Variants in COL16A1 observed in about 807,000 individuals in gnomAD.
COL16A1 encodes the protein collagen alpha-1(XVI) chain.
In COL16A1, 189 loss-of-function variants were observed where a neutral mutation model predicts 266.3. The ratio of observed to expected loss-of-function variants is 0.71; its 90% CI spans 0.63 to 0.80. The LOEUF is 0.80. COL16A1 is among the 30% of genes least tolerant of loss of function. The pLI is 0.00. For missense variants in COL16A1, 1,928 were observed against 2,122.4 expected, an observed-to-expected ratio of 0.91 and a Z score of 1.80; for synonymous variants, 740 against 782.3, an observed-to-expected ratio of 0.95 and a Z score of 0.90.
At chr1:31,695,931 T>C (rs553487250) in intron 9 of COL16A1, 144 bp from the exon 10 acceptor site, 73 of 988,508 alleles carry the variant, frequency 7.4e-5, no homozygotes, top group African/African-American at 1.3e-4. Flanking sequence ...CATCCGTCCT[T>C]CTTGATCAGA....
Position 31,662,610 on chromosome 1 carries a change from GC to G in COL16A1, c.3603del (p.Pro1202HisfsTer25). 1 of 1,565,644 alleles carries G rather than the reference GC, an allele frequency of 6.4e-7. No individual in the cohort carries two copies. Among genetic ancestry groups the G allele is most frequent in the Admixed American group, 1.9e-5 (1 of 53,490 alleles). ...RGPSGLPGSP[G>X]PPGPPGIQGP... ...ACCTGAATCCCAGGAGGTCCCGGTG[GC>G]CCAGGGGAGCCAGGCAGGCCTGATG... On this transcript the variant is annotated frameshift_variant, in exon 57 of 71. Transcript: ENST00000373672. LOFTEE classifies it high-confidence loss of function.
chr1:31,666,335 G>A, intron 52 of COL16A1: 1 of 545,040 alleles, frequency 1.8e-6, no homozygotes, highest in Non-Finnish European at 3.2e-6. Context: ...TTCTCCTCCA[G>A]CATAGCTCTG....
Position 31,685,559 on chromosome 1 carries a change from G to T in COL16A1, c.2016+80C>A. On this transcript the variant is annotated intron_variant, in intron 29 of 70. Transcript: ENST00000373672. The surrounding 1 kb of genome is among the most constrained non-coding windows in gnomAD (Gnocchi z 4.0). Reference sequence around the variant, plus strand: ...CCCCCAACTGCCCAGGGAGTCAAGAGACCCAGGCAGGACCCCTCCCCTCTC... The same window carrying T: ...CCCCCAACTGCCCAGGGAGTCAAGATACCCAGGCAGGACCCCTCCCCTCTC... The T allele has an allele frequency of 6.8e-7, 1 of 1,472,158 alleles. No homozygotes were observed. The highest frequency in any genetic ancestry group is 9.2e-7 in the Non-Finnish European group (1 of 1,081,230). The allele number at this position is 1,472,158 out of a possible 1,614,324, so 91.2% of individuals were successfully genotyped here.
intron 54 of COL16A1, 21 bp from the exon 55 acceptor site, chr1:31,665,639 C>A (rs1642065869): frequency 1.2e-6 from 2 of 1,612,078 alleles, no homozygotes; most frequent in Non-Finnish European, 8.5e-7. Context: ...AAGCAAGGGG[C>A]AGTGTGCTGT....
At chr1:31,671,717 G>A in intron 47 of COL16A1, 58 bp from the exon 48 acceptor site, 2 of 1,607,800 alleles carry the variant, frequency 1.2e-6, no homozygotes, top group Middle Eastern at 1.7e-4. Flanking sequence ...GAGCCCCTGG[G>A]ATTCCAGCAG....
chr1:31,671,752 A>G lies in COL16A1; in HGVS notation c.3106-93T>C, dbSNP rs72887321. The G allele has an allele frequency of 1.4e-3, 2,071 of 1,516,406 alleles. 27 individuals carry two copies. In the African/African-American group the frequency reaches 0.023, roughly 17 times the overall value. The allele number at this position is 1,516,406 out of a possible 1,614,324, so 93.9% of individuals were successfully genotyped here. ...GCCTTCCTCCCAGCTTGCCAGGGCCAAGGTCAACAGAGGGTGGCTGCTGTC... is the reference window on the plus strand; with the variant it reads ...GCCTTCCTCCCAGCTTGCCAGGGCCGAGGTCAACAGAGGGTGGCTGCTGTC... On this transcript the variant is annotated intron_variant, in intron 47 of 70. Coordinates refer to ENST00000373672, the MANE Select transcript of COL16A1 (RefSeq NM_001856.4).
chr1:31,675,191 C>T, intron 43 of COL16A1, 67 bp downstream of exon 43: 1 of 1,613,502 alleles, frequency 6.2e-7, no homozygotes, highest in South Asian at 1.1e-5. Flanking sequence ...GGGCCAGCTT[C>T]ATAGCCTGAG....
At chr1:31,680,132 G>T (rs570068185) in intron 39 of COL16A1, 31 bp from the exon 40 acceptor site, 2 of 1,607,262 alleles carry the variant, frequency 1.2e-6, no homozygotes, top group East Asian at 4.5e-5. Context: ...GTGAGACATG[G>T]ATGAAGACGA....
intron 12 of COL16A1, 70 bp from the exon 13 acceptor site, chr1:31,693,224 A>G (rs764197935): frequency 8.1e-6 from 8 of 988,560 alleles, no homozygotes; most frequent in Non-Finnish European, 1.3e-5. Context: ...AGCTCTCCCC[A>G]CTTCTGGCCC....
At chr1:31,662,502 C>T in intron 57 of COL16A1, 85 bp downstream of exon 57, 1 of 1,549,952 alleles carries the variant, frequency 6.5e-7, no homozygotes, top group Non-Finnish European at 8.7e-7. Context: ...CCTCAGCACA[C>T]ACACACAGGT....
rs1644210655 is a variant in COL16A1 at position 31,690,490 on chromosome 1, G to A, written c.1482+39C>T. The A allele has an allele frequency of 3.7e-6, 6 of 1,613,988 alleles. No homozygotes were observed. The Admixed American group carries it at 1.0e-4, about 27-fold the overall frequency. On this transcript the variant is annotated intron_variant, in intron 21 of 70. Coordinates refer to ENST00000373672, the MANE Select transcript of COL16A1 (RefSeq NM_001856.4). ...CTAGCCCCTCCCTCCAGAGGCCTTGGAAGAGCCGACCCTCCCCCGCTGGAT... is the reference window on the plus strand; with the variant it reads ...CTAGCCCCTCCCTCCAGAGGCCTTGAAAGAGCCGACCCTCCCCCGCTGGAT...
intron 22 of COL16A1, 68 bp downstream of exon 22, chr1:31,690,299 C>A: frequency 6.2e-7 from 1 of 1,607,074 alleles, no homozygotes; most frequent in Non-Finnish European, 8.5e-7. Context: ...GCCCTTGATG[C>A]TCACTGTCAT....
chr1:31,660,744 G>A, intron 61 of COL16A1, 106 bp from the exon 62 acceptor site: 1 of 1,497,962 alleles, frequency 6.7e-7, no homozygotes, highest in Non-Finnish European at 9.1e-7. Flanking sequence ...AATGCCAATG[G>A]CCAAAGGAGC....
chr1:31,658,289 T>A (rs1445720174), intron 64 of COL16A1, among the ~76,000 whole-genome samples, 199 bp downstream of exon 64: 1 of 152,228 alleles, frequency 6.6e-6, no homozygotes, highest in Admixed American at 6.5e-5. Flanking sequence ...AGTGACCTCA[T>A]GTGCAGCCTG....
chr1:31,658,393 C>T (rs1428370201), intron 64 of COL16A1, 95 bp downstream of exon 64: 2 of 1,083,698 alleles, frequency 1.8e-6, no homozygotes, highest in Non-Finnish European at 2.7e-6. Flanking sequence ...GCCTCTCCTT[C>T]CTTAGAGACC....
At chr1:31,692,699 G>A in intron 14 of COL16A1, 57 bp from the exon 15 acceptor site, 1 of 1,612,982 alleles carries the variant, frequency 6.2e-7, no homozygotes, top group Non-Finnish European at 8.5e-7. Flanking sequence ...GGGCTGCCAA[G>A]CGCACAGTCC....
chr1:31,658,360 G>A (rs893952592), intron 64 of COL16A1, 128 bp downstream of exon 64: 24 of 824,276 alleles, frequency 2.9e-5, no homozygotes, highest in Non-Finnish European at 4.1e-5. Context: ...CGAACGCCAC[G>A]CTGCCATCCT....
At chr1:31,696,358 C>A (rs1644501249) in intron 8 of COL16A1, among the ~76,000 whole-genome samples, 1 of 136,458 alleles carries the variant, frequency 7.3e-6, no homozygotes, top group Admixed American at 8.9e-5. Flanking sequence ...TCAGAGCCAA[C>A]AAGACCATGC....
Position 31,697,834 on chromosome 1 carries a change from T to A in COL16A1, c.657+72A>T. 2 of 1,502,728 alleles carry A rather than the reference T, an allele frequency of 1.3e-6. No individual in the cohort carries two copies. Among genetic ancestry groups the A allele is most frequent in the South Asian group, 1.3e-5 (1 of 78,000 alleles). 93.1% of individuals were successfully genotyped at this position (1,502,728 alleles called of 1,614,324 possible). On this transcript the variant is annotated intron_variant, in intron 6 of 70. Coordinates refer to ENST00000373672, the MANE Select transcript of COL16A1 (RefSeq NM_001856.4). The surrounding 1 kb of genome is among the most constrained non-coding windows in gnomAD (Gnocchi z 4.2). ...TAAGCAGGAGAAGGACTTGTTCCGA[T>A]ACGGATTCCAGGAAGCCCACTCAGG... is the stretch of plus-strand genomic sequence containing the variant.
Sources: allele counts gnomAD v4.1 joint callset (sites outside exome capture counted in the v4.1 genomes callset), GRCh38; gene constraint gnomAD v4.1.1; non-coding constraint Gnocchi (gnomAD v3.1); transcripts MANE v1.5; gene names NCBI Gene and HGNC (gene_info 2026-07-23, HGNC 2026-07-21).